The following TBC1D5 variants were observed in gnomAD, a reference collection of about 807,000 sequenced individuals.
TBC1D5 encodes the protein TBC1 domain family member 5, also known as TBC1 domain family, member 5.
In TBC1D5, 75 loss-of-function variants were observed where a neutral mutation model predicts 100.3. The observed-to-expected ratio is 0.75, with a 90% CI of 0.62 to 0.91. The LOEUF (loss-of-function observed/expected upper bound fraction) is 0.91, where lower values mean the gene tolerates loss of function less well. TBC1D5 is among the 40% of genes least tolerant of loss of function. TBC1D5 has a pLI of 0.00. For missense variants in TBC1D5, 910 were observed against 942.4 expected (o/e 0.97, Z 0.45); for synonymous variants, 323 against 325.6 (o/e 0.99, Z 0.09).
At position 17,285,248 on chromosome 3, in the gene TBC1D5, C is replaced by CT. The variant is rs373843978; in HGVS notation, c.1245+6646dup. ...AGTCACTATACGTGGATTTTAGATT[C>CT]TTTTTTTTTTTTTTTTTTTTTTTTT... On this transcript the variant is annotated intron_variant, in intron 15 of 21. Coordinates refer to ENST00000253692, the Ensembl canonical transcript of TBC1D5. Among the ~76,000 whole-genome samples, 229 of 104,660 alleles carry CT rather than the reference C, an allele frequency of 2.2e-3. 21 individuals are homozygous for CT. The highest frequency in any genetic ancestry group is 6.0e-3 in the East Asian group (10 of 1,670). 68.7% of individuals were successfully genotyped at this position (104,660 alleles called of 152,430 possible).
chr3:17,639,026 G>A (rs996119373), intron 1 of TBC1D5, among the ~76,000 whole-genome samples: 1 of 151,896 alleles, frequency 6.6e-6, no homozygotes, highest in Non-Finnish European at 1.5e-5. Flanking sequence ...TCTACCCAAG[G>A]GAAATGAAAA....
intron 3 of TBC1D5, among the ~76,000 whole-genome samples, chr3:17,444,312 G>C (rs1296045733): frequency 6.6e-6 from 1 of 152,114 alleles, no homozygotes; most frequent in East Asian, 1.9e-4. Flanking sequence ...GCAATTACAT[G>C]AGGATACTTT....
At chr3:17,726,096 T>G (rs138252055) in intron 1 of TBC1D5, among the ~76,000 whole-genome samples, 78 of 152,344 alleles carry the variant, frequency 5.1e-4, no homozygotes, top group African/African-American at 1.8e-3. Context: ...TGTACCACAT[T>G]TTCTTTATCC....
At chr3:17,682,603 A>G (rs745426059) in intron 1 of TBC1D5, among the ~76,000 whole-genome samples, 4 of 151,014 alleles carry the variant, frequency 2.6e-5, no homozygotes, top group South Asian at 2.1e-4. Flanking sequence ...AAATTACTCA[A>G]TGGAAGTTCA....
intron 1 of TBC1D5, among the ~76,000 whole-genome samples, chr3:17,684,652 GAGAATTATTA>G (rs1224666634): frequency 6.6e-6 from 1 of 151,946 alleles, no homozygotes; most frequent in East Asian, 1.9e-4. Flanking sequence ...CTTCACACAA[GAGAATTATTA>G]ACTAAGTCAA....
At chr3:17,284,962 C>CA (rs991231049) in intron 15 of TBC1D5, among the ~76,000 whole-genome samples, 2 of 145,412 alleles carry the variant, frequency 1.4e-5, no homozygotes, top group African/African-American at 5.1e-5. Flanking sequence ...AGCTCAGAAA[C>CA]AAAGAAAAAA....
At chr3:17,258,655 C>T (rs995963187) in intron 15 of TBC1D5, 64 bp from the exon 16 acceptor site, 3 of 1,253,020 alleles carry the variant, frequency 2.4e-6, no homozygotes, top group Non-Finnish European at 3.4e-6. Flanking sequence ...TATAAGAGGA[C>T]AGCAATGATC....
At chr3:17,421,266 G>T (rs1431005895) in intron 4 of TBC1D5, among the ~76,000 whole-genome samples, 2 of 130,804 alleles carry the variant, frequency 1.5e-5, no homozygotes, top group Non-Finnish European at 3.5e-5. Context: ...AGAACAAAAG[G>T]TAATATTAAG....
chr3:17,305,182 T>G (rs1335993566), intron 14 of TBC1D5, among the ~76,000 whole-genome samples: 2 of 152,150 alleles, frequency 1.3e-5, no homozygotes, highest in Non-Finnish European at 1.5e-5. Flanking sequence ...TTACTATTCC[T>G]GGGCACTCTT....
intron 1 of TBC1D5, among the ~76,000 whole-genome samples, chr3:17,689,923 C>T (rs2070882055): frequency 6.6e-6 from 1 of 152,004 alleles, no homozygotes; most frequent in East Asian, 1.9e-4. Context: ...ATCAGTTATT[C>T]AGCCCAAAAC....
chr3:17,185,475 A>C (rs533178665), intron 18 of TBC1D5, among the ~76,000 whole-genome samples: 1 of 152,342 alleles, frequency 6.6e-6, no homozygotes, highest in African/African-American at 2.4e-5. Flanking sequence ...TTGCATATAC[A>C]ATCTTGCATT....
At chr3:17,233,179 C>T (rs1309779471) in intron 17 of TBC1D5, among the ~76,000 whole-genome samples, 1 of 152,096 alleles carries the variant, frequency 6.6e-6, no homozygotes, top group Admixed American at 6.5e-5. Flanking sequence ...TGAAGATTTG[C>T]TACACTGTAC....
intron 1 of TBC1D5, among the ~76,000 whole-genome samples, chr3:17,691,142 T>A (rs917864695): frequency 6.6e-6 from 1 of 152,156 alleles, no homozygotes; most frequent in Non-Finnish European, 1.5e-5. Context: ...AAGGAGTCTA[T>A]CACAAGAAAA....
intron 13 of TBC1D5, among the ~76,000 whole-genome samples, chr3:17,355,439 T>C (rs2091124281): frequency 1.3e-5 from 2 of 152,162 alleles, no homozygotes; most frequent in African/African-American, 2.4e-5. Context: ...GGTGAATTAG[T>C]ATCTTGTAGG....
intron 2 of TBC1D5, among the ~76,000 whole-genome samples, chr3:17,531,908 T>TCA (rs1198050554): frequency 6.6e-6 from 1 of 152,124 alleles, no homozygotes; most frequent in Non-Finnish European, 1.5e-5. Context: ...GCATTACCAT[T>TCA]CAGGACATAG....
intron 18 of TBC1D5, among the ~76,000 whole-genome samples, chr3:17,206,796 T>C (rs1265362380): frequency 1.3e-5 from 2 of 152,160 alleles, no homozygotes; most frequent in African/African-American, 4.8e-5. Flanking sequence ...TCTTTGAAGG[T>C]TGGTATGTAT....
intron 1 of TBC1D5, among the ~76,000 whole-genome samples, chr3:17,692,125 T>C (rs757890574): frequency 6.6e-6 from 1 of 152,112 alleles, no homozygotes; most frequent in Non-Finnish European, 1.5e-5. Flanking sequence ...TGAGGCCTCG[T>C]TCTGTCACGC....
chr3:17,462,321 A>ATTT (rs1188024653), intron 3 of TBC1D5, among the ~76,000 whole-genome samples: 2,021 of 142,952 alleles, frequency 0.014, 38 homozygotes, highest in South Asian at 0.038. Context: ...TTCGGACCTT[A>ATTT]ATTTTTTTTT....
intron 15 of TBC1D5, among the ~76,000 whole-genome samples, chr3:17,259,376 G>A (rs889777476): frequency 7.9e-5 from 12 of 151,906 alleles, no homozygotes; most frequent in African/African-American, 2.9e-4. Context: ...ATCCCTCACA[G>A]GCGAGTAAAA....
Sources: gnomAD v4.1 joint callset for allele counts (sites outside exome capture counted in the v4.1 genomes callset) on GRCh38, gnomAD v4.1.1 for gene constraint, MANE v1.5 for transcripts, NCBI Gene and HGNC (gene_info 2026-07-23, HGNC 2026-07-21) for gene names.